RANBP2: variants seen among roughly 807,000 people sequenced by gnomAD.
RANBP2 encodes E3 SUMO-protein ligase RanBP2.
In RANBP2, 57 loss-of-function variants were observed where a neutral mutation model predicts 303.6. That is an observed-to-expected ratio of 0.19 (90% CI 0.15 to 0.23). The LOEUF is 0.23. Among genes scored for constraint, RANBP2 ranks in the 10% least tolerant of loss-of-function variants. The pLI, the probability that RANBP2 is intolerant of heterozygous loss-of-function variation, is 1.00. For missense variants in RANBP2, 3,138 were observed against 3,780.8 expected (o/e 0.83, Z 4.46); for synonymous variants, 1,167 against 1,301.5 (o/e 0.90, Z 2.23).
chr2:109,663,445 T>C, the RANBP2 span, among the ~76,000 whole-genome samples: 2 of 152,220 alleles, frequency 1.3e-5, no homozygotes, highest in African/African-American at 4.8e-5. Context: ...GTGCTGGAAG[T>C]AGATCAATAA....
chr2:108,961,275 T>C, the RANBP2 span, among the ~76,000 whole-genome samples: 30 of 152,140 alleles, frequency 2.0e-4, no homozygotes, highest in Non-Finnish European at 3.7e-4. Context: ...GTCCTTTCCC[T>C]CCTAAATAAT....
Position 108,764,703 on chromosome 2 carries a change from A to G in RANBP2, c.4164A>G (p.Pro1388=). The G allele has an allele frequency of 6.2e-7, 1 of 1,614,076 alleles. No homozygotes were observed. The highest frequency in any genetic ancestry group is 2.2e-5 in the East Asian group (1 of 44,872). ...CAAGCAATAAAGAGCTCGTTGGCCC[A>G]CCATTAGCTGAAACTGTTTTTACTC... ...LNPSNKELVG[P]PLAETVFTPK... Residue 1388 remains proline (P), a synonymous_variant, in exon 20 of 29, where the codon CCA becomes CCG. Transcript: ENST00000283195.
chr2:108,787,512 C>T (rs1679083046), downstream of RANBP2, among the ~76,000 whole-genome samples: 1 of 152,122 alleles, frequency 6.6e-6, no homozygotes, highest in South Asian at 2.1e-4. Flanking sequence ...GTAATATTTT[C>T]AGGAAATTTA....
chr2:109,411,926 C>T, the RANBP2 span, among the ~76,000 whole-genome samples: 3 of 152,324 alleles, frequency 2.0e-5, no homozygotes, highest in South Asian at 4.1e-4. Flanking sequence ...CCAGTGAAGC[C>T]GGCAGAATGT....
chr2:109,724,410 T>G, the RANBP2 span, among the ~76,000 whole-genome samples: 2 of 152,168 alleles, frequency 1.3e-5, no homozygotes, highest in Non-Finnish European at 2.9e-5. Context: ...GCATGGAATG[T>G]TTTTCCATTT....
At chr2:108,822,464 A>G in the RANBP2 span, among the ~76,000 whole-genome samples, 2 of 152,330 alleles carry the variant, frequency 1.3e-5, no homozygotes, top group African/African-American at 4.8e-5. Context: ...TGTCAGACAT[A>G]TACAGAACAC....
At chr2:109,449,378 C>A in the RANBP2 span, 2 of 1,611,202 alleles carry the variant, frequency 1.2e-6, no homozygotes, top group Non-Finnish European at 1.7e-6. Context: ...CACCTCCCAA[C>A]GTCAGTGCCG....
At chr2:109,479,559 G>A in the RANBP2 span, among the ~76,000 whole-genome samples, 5 of 152,104 alleles carry the variant, frequency 3.3e-5, no homozygotes, top group African/African-American at 1.2e-4. Flanking sequence ...CCGGCCTCAT[G>A]GGCAGAGGAA....
At chr2:108,878,964 ATGAC>A in the RANBP2 span, among the ~76,000 whole-genome samples, 1 of 152,242 alleles carries the variant, frequency 6.6e-6, no homozygotes, top group Admixed American at 6.5e-5. Context: ...AAAAAATAGA[ATGAC>A]AGGAATGTGA....
At chr2:109,024,933 T>A in the RANBP2 span, among the ~76,000 whole-genome samples, 8 of 152,336 alleles carry the variant, frequency 5.3e-5, 1 homozygote, top group African/African-American at 1.9e-4. Context: ...ACATTCACAA[T>A]GCTGTGCAGC....
At chr2:109,103,041 G>A in the RANBP2 span, among the ~76,000 whole-genome samples, 2 of 152,188 alleles carry the variant, frequency 1.3e-5, no homozygotes, top group South Asian at 2.1e-4. Flanking sequence ...AACTAAAGAA[G>A]AAGAAAGTAA....
chr2:109,280,276 G>A, the RANBP2 span, among the ~76,000 whole-genome samples: 4 of 152,186 alleles, frequency 2.6e-5, no homozygotes, highest in Non-Finnish European at 4.4e-5. Flanking sequence ...GGAAGGAAAC[G>A]CAGAGGCCTT....
chr2:109,504,355 A>G, the RANBP2 span: 1 of 152,228 alleles, frequency 6.6e-6, no homozygotes, highest in Non-Finnish European at 1.5e-5. Context: ...ACTGCAGGCC[A>G]CCAGGGGCCT....
the RANBP2 span, chr2:109,398,642 C>T: frequency 1.5e-5 from 24 of 1,600,282 alleles, no homozygotes. Flanking sequence ...TGCCCAGCCG[C>T]TGCATCCAGC....
At chr2:109,022,606 G>A in the RANBP2 span, among the ~76,000 whole-genome samples, 9 of 152,296 alleles carry the variant, frequency 5.9e-5, no homozygotes, top group Non-Finnish European at 1.2e-4. Flanking sequence ...CCAAAAGGTG[G>A]GAGGGGGAGA....
the RANBP2 span, among the ~76,000 whole-genome samples, chr2:109,338,012 G>A: frequency 4.6e-5 from 7 of 152,060 alleles, no homozygotes; most frequent in Admixed American, 1.3e-4. Context: ...GATTACAGGC[G>A]TGAGCCACCG....
chr2:109,709,888 G>C, the RANBP2 span, among the ~76,000 whole-genome samples: 1 of 152,124 alleles, frequency 6.6e-6, no homozygotes, highest in African/African-American at 2.4e-5. Flanking sequence ...CAGAGTTTGA[G>C]TCCAGCCTGA....
At chr2:109,094,329 T>A in the RANBP2 span, among the ~76,000 whole-genome samples, 144,477 of 151,994 alleles carry the variant, frequency 0.95, 69,069 homozygotes, top group Non-Finnish European at 1. Context: ...TCCGGTATTA[T>A]GTATAAAAGG....
At chr2:109,345,361 G>T in the RANBP2 span, among the ~76,000 whole-genome samples, 3 of 152,276 alleles carry the variant, frequency 2.0e-5, no homozygotes, top group African/African-American at 7.2e-5. Context: ...CAGATAGCAC[G>T]AGCCGGCCGC....
Sources: allele counts gnomAD v4.1 joint callset (sites outside exome capture counted in the v4.1 genomes callset), GRCh38; gene constraint gnomAD v4.1.1; transcripts MANE v1.5; gene names NCBI Gene and HGNC (gene_info 2026-07-23, HGNC 2026-07-21).